The following GRIN2B variants were observed in gnomAD, a reference collection of about 807,000 sequenced individuals.
The protein encoded by GRIN2B is glutamate receptor ionotropic, NMDA 2B.
In GRIN2B, 5 loss-of-function variants were observed where a neutral mutation model predicts 114.5. The observed-to-expected ratio is 0.04, with a 90% CI of 0.02 to 0.09. The LOEUF is 0.09. Ranked by LOEUF, GRIN2B falls within the 10% of genes least tolerant of loss-of-function variation. GRIN2B has a pLI of 1.00. For synonymous variants in GRIN2B, 787 were observed against 745.1 expected (o/e 1.06, Z -0.92); for missense variants, 1,108 against 1,943.5 (o/e 0.57, Z 8.08).
chr12:13,562,512 C>T lies in GRIN2B; in HGVS notation c.*271G>A. 1 of 489,656 alleles carries T rather than the reference C, an allele frequency of 2.0e-6. No homozygotes were observed. Among genetic ancestry groups the T allele is most frequent in the South Asian group, 2.6e-5 (1 of 39,052 alleles). 30.3% of individuals were successfully genotyped at this position (489,656 alleles called of 1,614,324 possible). A position where few individuals can be genotyped will look rare whatever the true frequency, so the allele number is the denominator to read the frequency against. ...CTTCCTTTCTCCGCTCTACCCTCCC[C>T]TGCTGAGAGGGCCCATGGCATCATC... On this transcript the variant is annotated 3_prime_UTR_variant, in exon 14 of 14. Transcript: ENST00000609686.
intron 3 of GRIN2B, among the ~76,000 whole-genome samples, chr12:13,807,612 T>A (rs772145259): frequency 3.3e-5 from 5 of 151,900 alleles, no homozygotes; most frequent in Non-Finnish European, 5.9e-5. Context: ...TTACGGAAAT[T>A]AATCTTGTCA....
intron 2 of GRIN2B, among the ~76,000 whole-genome samples, chr12:13,958,500 A>T (rs1867632958): frequency 6.6e-6 from 1 of 152,216 alleles, no homozygotes; most frequent in Non-Finnish European, 1.5e-5. Context: ...CAAATGCTAA[A>T]CAAAAGCTGG....
intron 3 of GRIN2B, among the ~76,000 whole-genome samples, chr12:13,807,941 T>C (rs1417926148): frequency 1.3e-5 from 2 of 152,086 alleles, no homozygotes; most frequent in Admixed American, 6.5e-5. Context: ...CCATAATCTG[T>C]TATGCTTTTA....
At chr12:13,887,575 A>G (rs1008236006) in intron 2 of GRIN2B, among the ~76,000 whole-genome samples, 1 of 152,234 alleles carries the variant, frequency 6.6e-6, no homozygotes, top group Non-Finnish European at 1.5e-5. Context: ...AAGAAATCTA[A>G]ACTTCTAACA....
At chr12:13,920,786 T>G (rs981608512) in intron 2 of GRIN2B, among the ~76,000 whole-genome samples, 1 of 152,192 alleles carries the variant, frequency 6.6e-6, no homozygotes, top group African/African-American at 2.4e-5. Context: ...TCGCTTACAT[T>G]TTTCCCAAAT....
At chr12:13,780,088 A>G (rs1864079042) in intron 3 of GRIN2B, among the ~76,000 whole-genome samples, 1 of 152,124 alleles carries the variant, frequency 6.6e-6, no homozygotes, top group Admixed American at 6.5e-5. Context: ...TTTCTCAGCC[A>G]CTGCTTTTTC....
chr12:13,760,112 C>T (rs1863651684), intron 3 of GRIN2B, among the ~76,000 whole-genome samples: 1 of 152,212 alleles, frequency 6.6e-6, no homozygotes. Context: ...ATCTGATCCC[C>T]TTGTCCAGCT....
intron 2 of GRIN2B, among the ~76,000 whole-genome samples, chr12:13,935,532 G>A (rs1323541868): frequency 1.7e-4 from 26 of 152,180 alleles, no homozygotes. Flanking sequence ...GCCTGGGTTT[G>A]AATTCAGACT....
chr12:13,691,995 T>C (rs1950218200), intron 4 of GRIN2B, among the ~76,000 whole-genome samples: 1 of 152,124 alleles, frequency 6.6e-6, no homozygotes, highest in Non-Finnish European at 1.5e-5. Context: ...GTGTCTAAAG[T>C]GTCGAGGCTG....
At position 13,547,744 on chromosome 12, in the gene GRIN2B, G is replaced by A. The variant is rs891048200; in HGVS notation, c.*15039C>T. 3 of 151,922 alleles carry A rather than the reference G, an allele frequency of 2.0e-5. No individual in the cohort carries two copies. Among genetic ancestry groups the A allele is most frequent in the Non-Finnish European group, 4.4e-5 (3 of 67,992 alleles). The allele number at this position is 151,922 out of a possible 1,614,324, so 9.4% of individuals were successfully genotyped here. A position where few individuals can be genotyped will look rare whatever the true frequency, so the allele number is the denominator to read the frequency against. On this transcript the variant is annotated 3_prime_UTR_variant, in exon 14 of 14. Coordinates refer to ENST00000609686, the MANE Select transcript of GRIN2B (RefSeq NM_000834.5). Reference sequence around the variant, plus strand: ...CTTGTTTTACTGAAGTAAAGACACTGTAAATCTCAAAAATACTCCAACTTC... The same window carrying A: ...CTTGTTTTACTGAAGTAAAGACACTATAAATCTCAAAAATACTCCAACTTC...
intron 5 of GRIN2B, among the ~76,000 whole-genome samples, chr12:13,632,950 T>C (rs541163036): frequency 3.3e-4 from 50 of 152,296 alleles, no homozygotes; most frequent in Admixed American, 1.2e-3. Context: ...TGGCAACCTA[T>C]TGATTTTCCT....
At chr12:13,619,920 C>T (rs904958109) in intron 5 of GRIN2B, among the ~76,000 whole-genome samples, 3 of 152,224 alleles carry the variant, frequency 2.0e-5, no homozygotes, top group East Asian at 1.9e-4. Flanking sequence ...AGACATGTTC[C>T]TTTTCCTCCA....
chr12:13,679,114 G>C (rs1319189034), intron 4 of GRIN2B, among the ~76,000 whole-genome samples: 4 of 151,926 alleles, frequency 2.6e-5, no homozygotes, highest in Non-Finnish European at 5.9e-5. Flanking sequence ...GGATAGGAGG[G>C]AAATAAATTA....
At chr12:13,766,264 T>C (rs982400606) in intron 3 of GRIN2B, among the ~76,000 whole-genome samples, 1 of 152,240 alleles carries the variant, frequency 6.6e-6, no homozygotes, top group Non-Finnish European at 1.5e-5. Flanking sequence ...TTATTGACGA[T>C]GTTCCTTAAA....
intron 4 of GRIN2B, among the ~76,000 whole-genome samples, chr12:13,688,442 T>C (rs1270513159): frequency 1.3e-5 from 2 of 152,184 alleles, no homozygotes; most frequent in African/African-American, 4.8e-5. Context: ...TAAGGAGCTA[T>C]GTTCATAGGA....
intron 4 of GRIN2B, among the ~76,000 whole-genome samples, chr12:13,713,456 T>C (rs1950431008): frequency 1.3e-5 from 2 of 151,918 alleles, no homozygotes; most frequent in Admixed American, 1.3e-4. Flanking sequence ...TCTTTTCAAA[T>C]GAATCACAGA....
chr12:13,733,296 G>GT lies in GRIN2B; in HGVS notation c.1010+20020dup, dbSNP rs5796558. On this transcript the variant is annotated intron_variant, in intron 4 of 13. Transcript: ENST00000609686. ...AGAAGTTGACCCAAAATGGTTTCAA[G>GT]TTTTTTTTTTTTTTTGACCTTTACC... Among the ~76,000 whole-genome samples, 116 of 146,776 alleles carry GT rather than the reference G, an allele frequency of 7.9e-4. 1 individual carries two copies. The highest frequency in any genetic ancestry group is 1.3e-3 in the Admixed American group (19 of 14,768).
At chr12:13,579,407 CACTTA>C (rs1261419675) in intron 10 of GRIN2B, among the ~76,000 whole-genome samples, 4 of 152,218 alleles carry the variant, frequency 2.6e-5, no homozygotes, top group Non-Finnish European at 5.9e-5. Flanking sequence ...TTGATCAACT[CACTTA>C]ACTTATCTGT....
intron 2 of GRIN2B, among the ~76,000 whole-genome samples, chr12:13,908,201 A>T (rs1204250530): frequency 6.6e-6 from 1 of 152,148 alleles, no homozygotes; most frequent in African/African-American, 2.4e-5. Flanking sequence ...AAAAACTGAG[A>T]AAATCACACA....
Sources: allele counts gnomAD v4.1 joint callset (sites outside exome capture counted in the v4.1 genomes callset), GRCh38; gene constraint gnomAD v4.1.1; transcripts MANE v1.5; gene names NCBI Gene and HGNC (gene_info 2026-07-23, HGNC 2026-07-21).